The following OPRD1 variants were observed in gnomAD, a reference collection of about 807,000 sequenced individuals.
OPRD1 encodes delta-type opioid receptor.
A neutral mutation model predicts 17.5 loss-of-function variants in OPRD1; 19 were observed. That is an observed-to-expected ratio of 1.09 (90% CI 0.76 to 1.60). The LOEUF (loss-of-function observed/expected upper bound fraction) is 1.60, where lower values mean the gene tolerates loss of function less well. Among genes scored for constraint, OPRD1 ranks in the 40% most tolerant of loss-of-function variants. The pLI is 0.00. For synonymous variants in OPRD1, 256 were observed against 240.9 expected (o/e 1.06, Z -0.58); for missense variants, 483 against 547.2 (o/e 0.88, Z 1.17).
rs141616044 is a variant in OPRD1 at position 28,857,697 on chromosome 1, G to C, written c.228-1257G>C. On this transcript the variant is annotated intron_variant, in intron 1 of 2. Coordinates refer to ENST00000234961, the MANE Select transcript of OPRD1 (RefSeq NM_000911.4). ...TATGGGGTTTCACTGTGTCGCCCAG[G>C]GTGGTTTTGAACTAGGCTCAAGCAA... Among the ~76,000 whole-genome samples, 757 of 152,194 alleles carry C rather than the reference G, an allele frequency of 5.0e-3. 6 individuals are homozygous for C. The highest frequency in any genetic ancestry group is 0.015 in the African/African-American group (628 of 41,534).
chr1:28,850,106 T>G (rs2088987586), intron 1 of OPRD1, among the ~76,000 whole-genome samples: 1 of 152,094 alleles, frequency 6.6e-6, no homozygotes, highest in Non-Finnish European at 1.5e-5. Context: ...GGTCTCAATC[T>G]TCTGACCTCG....
chr1:28,855,251 A>C (rs1033415909), intron 1 of OPRD1, among the ~76,000 whole-genome samples: 8 of 152,092 alleles, frequency 5.3e-5, no homozygotes, highest in African/African-American at 1.9e-4. Flanking sequence ...CATGCAAAAT[A>C]TGGGGGGACC....
At chr1:28,843,445 C>G (rs1038167328) in intron 1 of OPRD1, among the ~76,000 whole-genome samples, 6 of 152,120 alleles carry the variant, frequency 3.9e-5, no homozygotes, top group African/African-American at 1.4e-4. Flanking sequence ...GCCCATCCTC[C>G]CCTTGCCCTA....
intron 1 of OPRD1, among the ~76,000 whole-genome samples, chr1:28,840,797 C>T (rs568949254): frequency 7.9e-5 from 12 of 152,112 alleles, no homozygotes; most frequent in South Asian, 4.2e-4. Flanking sequence ...TGGTGGGCAG[C>T]GGTAATCCCA....
intron 1 of OPRD1, 98 bp downstream of exon 1, chr1:28,812,708 G>T: frequency 8.9e-7 from 1 of 1,126,040 alleles, no homozygotes; most frequent in Non-Finnish European, 1.2e-6. Flanking sequence ...GACTCCCCGC[G>T]CCTCCGCATT....
Position 28,862,957 on chromosome 1 carries a change from G to A in OPRD1, c.793G>A (p.Val265Met), listed in dbSNP as rs752637316. Residue 265 changes from valine (V) to methionine (M), a missense_variant, in exon 3 of 3, where the codon GTG (valine) becomes ATG (methionine). Val to Met is a conservative substitution (Grantham distance 21). Transcript: ENST00000234961. Reference sequence around the variant, plus strand: ...GCGGCGCATCACGCGCATGGTGCTGGTGGTTGTGGGCGCCTTCGTGGTGTG... The same window carrying A: ...GCGGCGCATCACGCGCATGGTGCTGATGGTTGTGGGCGCCTTCGTGGTGTG... Reference protein sequence around the residue: ...SLRRITRMVLVVVGAFVVCWA... With the variant: ...SLRRITRMVLMVVGAFVVCWA... 1 of 1,612,512 alleles carries A rather than the reference G, an allele frequency of 6.2e-7. No homozygotes were observed. The highest frequency in any genetic ancestry group is 2.2e-5 in the East Asian group (1 of 44,858).
intron 1 of OPRD1, among the ~76,000 whole-genome samples, chr1:28,847,031 G>T (rs797406): frequency 0.46 from 60,076 of 129,396 alleles, 14,437 homozygotes; most frequent in East Asian, 0.87. Context: ...CCCCTTTCCT[G>T]TCCCCTTTCC....
Position 28,868,256 on chromosome 1 carries a change from G to A in OPRD1, c.*4973G>A, listed in dbSNP as rs1455350859. 1 of 152,208 alleles carries A rather than the reference G, an allele frequency of 6.6e-6. No homozygotes were observed. The highest frequency in any genetic ancestry group is 1.9e-4 in the East Asian group (1 of 5,196). The allele number at this position is 152,208 out of a possible 1,614,324, so 9.4% of individuals were successfully genotyped here. A position where few individuals can be genotyped will look rare whatever the true frequency, so the allele number is the denominator to read the frequency against. ...AGGGATTTGCCTTCTCTGAGCTTCA[G>A]TTTCCTTCTAGAGTTGAGATGTGGG... On this transcript the variant is annotated 3_prime_UTR_variant, in exon 3 of 3. Coordinates refer to ENST00000234961, the MANE Select transcript of OPRD1 (RefSeq NM_000911.4).
At chr1:28,822,503 C>T (rs1045404633) in intron 1 of OPRD1, among the ~76,000 whole-genome samples, 6 of 151,900 alleles carry the variant, frequency 3.9e-5, no homozygotes, top group East Asian at 1.9e-4. Context: ...TGATTTTAGA[C>T]GGAGTCTCAT....
chr1:28,814,943 G>A (rs181452211), intron 1 of OPRD1, among the ~76,000 whole-genome samples: 1 of 152,162 alleles, frequency 6.6e-6, no homozygotes, highest in African/African-American at 2.4e-5. Context: ...GATAAAATGA[G>A]GAATCTGCAG....
At chr1:28,830,457 G>A (rs1253370853) in intron 1 of OPRD1, among the ~76,000 whole-genome samples, 2 of 152,114 alleles carry the variant, frequency 1.3e-5, no homozygotes, top group Non-Finnish European at 2.9e-5. Context: ...CTGGGAGGTC[G>A]AGGCTGCAGT....
chr1:28,860,745 C>G (rs2089107511), intron 2 of OPRD1, among the ~76,000 whole-genome samples: 1 of 152,186 alleles, frequency 6.6e-6, no homozygotes, highest in African/African-American at 2.4e-5. Flanking sequence ...CCTAGGGTTC[C>G]TGCCCCCAGG....
intron 1 of OPRD1, among the ~76,000 whole-genome samples, chr1:28,854,165 A>G (rs1238828124): frequency 6.6e-6 from 1 of 152,176 alleles, no homozygotes; most frequent in Non-Finnish European, 1.5e-5. Flanking sequence ...GGAACTACAG[A>G]TGTGGCCAGA....
At chr1:28,819,696 A>T (rs1569602665) in intron 1 of OPRD1, among the ~76,000 whole-genome samples, 3 of 152,140 alleles carry the variant, frequency 2.0e-5, no homozygotes, top group Admixed American at 2.0e-4. Flanking sequence ...CGAGATTCCA[A>T]CCCAGGCCTC....
chr1:28,855,646 A>G (rs1324144479), intron 1 of OPRD1, among the ~76,000 whole-genome samples: 1 of 152,196 alleles, frequency 6.6e-6, no homozygotes, highest in Non-Finnish European at 1.5e-5. Flanking sequence ...CAACTACAGC[A>G]GCTTCATCAC....
At position 28,816,105 on chromosome 1, in the gene OPRD1, C is replaced by T. The variant is rs79906545; in HGVS notation, c.227+3495C>T. Among the ~76,000 whole-genome samples the T allele has an allele frequency of 5.1e-4, 78 of 152,206 alleles. No individual in the cohort carries two copies. In the East Asian group the frequency reaches 8.1e-3, roughly 16 times the overall value. On this transcript the variant is annotated intron_variant, in intron 1 of 2. Coordinates refer to ENST00000234961, the MANE Select transcript of OPRD1 (RefSeq NM_000911.4). ...AACATGAGGGGCTCTGTGTGAAGGA[C>T]TGAAAAGAATTAACTCATTCTACAA...
At chr1:28,841,089 T>C (rs1292448843) in intron 1 of OPRD1, among the ~76,000 whole-genome samples, 2 of 152,234 alleles carry the variant, frequency 1.3e-5, no homozygotes, top group Admixed American at 1.3e-4. Flanking sequence ...TAGTTATCCA[T>C]GAATACTGGC....
At chr1:28,816,762 C>T (rs377350223) in intron 1 of OPRD1, among the ~76,000 whole-genome samples, 283 of 152,168 alleles carry the variant, frequency 1.9e-3, no homozygotes, top group Middle Eastern at 6.8e-3. Flanking sequence ...GAGCAGACAC[C>T]GGACAACCCC....
intron 1 of OPRD1, among the ~76,000 whole-genome samples, chr1:28,813,832 C>T (rs1442070832): frequency 6.6e-6 from 1 of 152,204 alleles, no homozygotes; most frequent in African/African-American, 2.4e-5. Context: ...TCAGCCTAGT[C>T]ATGGATGCCC....
Sources: allele counts gnomAD v4.1 joint callset (sites outside exome capture counted in the v4.1 genomes callset), GRCh38; gene constraint gnomAD v4.1.1; transcripts MANE v1.5; gene names NCBI Gene and HGNC (gene_info 2026-07-23, HGNC 2026-07-21).